Variants in PDE10A observed in about 807,000 individuals in gnomAD.
PDE10A encodes cAMP and cAMP-inhibited cGMP 3',5'-cyclic phosphodiesterase 10A.
PDE10A carries 39 observed loss-of-function variants against 97.7 expected under a neutral mutation model. That is an observed-to-expected ratio of 0.40 (90% CI 0.31 to 0.52). PDE10A has a LOEUF of 0.52. PDE10A is among the 20% of genes least tolerant of loss of function. The pLI is 0.56. For synonymous variants in PDE10A, 371 were observed against 376.8 expected, an observed-to-expected ratio of 0.98 and a Z score of 0.18; for missense variants, 731 against 1,047.8, an observed-to-expected ratio of 0.70 and a Z score of 4.17.
At chr6:165,459,759 A>G (rs543175711) in intron 3 of PDE10A, among the ~76,000 whole-genome samples, 1 of 152,286 alleles carries the variant, frequency 6.6e-6, no homozygotes, top group South Asian at 2.1e-4. Context: ...GGTAATCTGC[A>G]TAAAGCTACT....
intron 1 of PDE10A, among the ~76,000 whole-genome samples, chr6:165,620,907 G>T (rs1026287881): frequency 1.3e-5 from 2 of 151,894 alleles, no homozygotes; most frequent in Admixed American, 1.3e-4. Context: ...TGTAGTCCCA[G>T]CTACTAGGGA....
intron 1 of PDE10A, among the ~76,000 whole-genome samples, chr6:165,985,796 C>T (rs2128505124): frequency 6.6e-6 from 1 of 152,276 alleles, no homozygotes; most frequent in East Asian, 1.9e-4. Context: ...GGAAAACAGT[C>T]AGCTGTCCCC....
At position 165,424,837 on chromosome 6, in the gene PDE10A, T is replaced by A. The variant is rs499607; in HGVS notation, c.1653+3821A>T. 4.2e-3 allele frequency among the ~76,000 whole-genome samples: 639 copies of A among 152,264 alleles called. 7 individuals carry two copies. The highest frequency in any genetic ancestry group is 0.015 in the African/African-American group (620 of 41,570). Reference sequence around the variant, plus strand: ...TCTACTCCAATCATTTTGAAATAGCTTATAAAAATTTGATAATACCCAACA... The same window carrying A: ...TCTACTCCAATCATTTTGAAATAGCATATAAAAATTTGATAATACCCAACA... On this transcript the variant is annotated intron_variant, in intron 10 of 21. Coordinates refer to ENST00000539869, the MANE Select transcript of PDE10A (RefSeq NM_001385079.1).
At chr6:165,566,778 ACT>A (rs1307957238) in intron 1 of PDE10A, among the ~76,000 whole-genome samples, 1 of 152,140 alleles carries the variant, frequency 6.6e-6, no homozygotes, top group Non-Finnish European at 1.5e-5. Context: ...TAAAAAGGAA[ACT>A]CAACTCTAGT....
chr6:165,705,659 T>C (rs1269723788), intron 1 of PDE10A, among the ~76,000 whole-genome samples: 1 of 152,192 alleles, frequency 6.6e-6, no homozygotes, highest in Non-Finnish European at 1.5e-5. Flanking sequence ...CTACATAGCT[T>C]TTGGTTATAA....
At chr6:165,502,019 C>G (rs1780920017) in intron 2 of PDE10A, among the ~76,000 whole-genome samples, 1 of 152,028 alleles carries the variant, frequency 6.6e-6, no homozygotes, top group South Asian at 2.1e-4. Flanking sequence ...GCAAAGATAC[C>G]AAAGTGATTC....
chr6:165,691,194 T>A (rs1562687238), intron 1 of PDE10A, among the ~76,000 whole-genome samples: 22 of 51,312 alleles, frequency 4.3e-4, no homozygotes, highest in African/African-American at 1.5e-3. Context: ...TCTCCCTCTC[T>A]CTCTCTCCCC....
chr6:165,343,300 T>G, intron 19 of PDE10A, 91 bp downstream of exon 19: 1 of 887,610 alleles, frequency 1.1e-6, no homozygotes, highest in East Asian at 2.5e-5. Flanking sequence ...GAAATAACTA[T>G]CAACATGAAC....
At chr6:165,517,334 TA>T (rs1316053762) in intron 2 of PDE10A, among the ~76,000 whole-genome samples, 6 of 152,168 alleles carry the variant, frequency 3.9e-5, no homozygotes, top group Non-Finnish European at 8.8e-5. Flanking sequence ...AAATAAGATT[TA>T]GTTTATCATT....
intron 1 of PDE10A, among the ~76,000 whole-genome samples, chr6:165,875,709 A>G (rs1781314564): frequency 7.5e-6 from 1 of 133,082 alleles, no homozygotes; most frequent in Non-Finnish European, 1.6e-5. Flanking sequence ...TGGGTTTCTG[A>G]TAGGACTTAT....
At chr6:165,848,257 G>A (rs1471071643) in intron 1 of PDE10A, among the ~76,000 whole-genome samples, 3 of 152,128 alleles carry the variant, frequency 2.0e-5, no homozygotes, top group Non-Finnish European at 4.4e-5. Flanking sequence ...GACCAGGATG[G>A]CGAGCAACAT....
At chr6:165,413,425 C>T in intron 13 of PDE10A, 76 bp downstream of exon 13, 2 of 972,716 alleles carry the variant, frequency 2.1e-6, no homozygotes, top group Non-Finnish European at 3.0e-6. Flanking sequence ...AAAAAAAAGC[C>T]CTTAAGCTGC....
At chr6:165,557,000 G>A (rs76608187) in intron 1 of PDE10A, among the ~76,000 whole-genome samples, 4,979 of 152,128 alleles carry the variant, frequency 0.033, 112 homozygotes, top group Middle Eastern at 0.044. Flanking sequence ...TTAGCCGGGC[G>A]TGGTGGCATG....
intron 10 of PDE10A, among the ~76,000 whole-genome samples, chr6:165,423,708 T>G (rs893667429): frequency 4.0e-5 from 6 of 151,858 alleles, no homozygotes. Context: ...TCTACTAAAA[T>G]ACAAAAATTA....
chr6:165,456,757 A>G (rs1777977855), intron 3 of PDE10A, among the ~76,000 whole-genome samples: 2 of 152,206 alleles, frequency 1.3e-5, no homozygotes, highest in African/African-American at 4.8e-5. Flanking sequence ...GTTTATATTA[A>G]GCTTCAAATT....
intron 1 of PDE10A, among the ~76,000 whole-genome samples, chr6:165,580,632 T>TGAATATGGAGAGA (rs1785559385): frequency 6.6e-6 from 1 of 152,236 alleles, no homozygotes; most frequent in Admixed American, 6.5e-5. Context: ...TTTAATGGAC[T>TGAATATGGAGAGA]GAATATGGAG....
At chr6:165,549,564 T>G (rs1241714456) in intron 1 of PDE10A, among the ~76,000 whole-genome samples, 1 of 152,172 alleles carries the variant, frequency 6.6e-6, no homozygotes, top group Non-Finnish European at 1.5e-5. Flanking sequence ...GACCTCATGA[T>G]CCACCCACCT....
chr6:165,874,924 G>A (rs1781294140), intron 1 of PDE10A, among the ~76,000 whole-genome samples: 1 of 152,034 alleles, frequency 6.6e-6, no homozygotes, highest in South Asian at 2.1e-4. Flanking sequence ...AAGGACACTG[G>A]GTCAGTAGGG....
chr6:165,650,501 AGT>A (rs769703785), intron 1 of PDE10A, among the ~76,000 whole-genome samples: 1 of 145,678 alleles, frequency 6.9e-6, no homozygotes, highest in Admixed American at 6.9e-5. Context: ...AATGTATCTG[AGT>A]GTGTGTGTAT....
Sources: allele counts gnomAD v4.1 joint callset (sites outside exome capture counted in the v4.1 genomes callset), GRCh38; gene constraint gnomAD v4.1.1; transcripts MANE v1.5; gene names NCBI Gene and HGNC (gene_info 2026-07-23, HGNC 2026-07-21).